Variants in VPS13D observed in about 807,000 individuals in gnomAD.
The protein encoded by VPS13D is intermembrane lipid transfer protein VPS13D.
A neutral mutation model predicts 461.9 loss-of-function variants in VPS13D; 187 were observed. The observed-to-expected ratio is 0.40, with a 90% CI of 0.36 to 0.46. The LOEUF (loss-of-function observed/expected upper bound fraction) is 0.46, where lower values mean the gene tolerates loss of function less well. Among genes scored for constraint, VPS13D ranks in the 20% least tolerant of loss-of-function variants. The probability of loss-of-function intolerance (pLI) is 0.60; values close to 1 mark genes in which losing one functional copy is unlikely to be tolerated. For missense variants in VPS13D, 4,711 were observed against 5,364.9 expected, an observed-to-expected ratio of 0.88 and a Z score of 3.81; for synonymous variants, 1,951 against 1,986.3, an observed-to-expected ratio of 0.98 and a Z score of 0.47.
rs1646108308 is a variant in VPS13D at position 12,506,457 on chromosome 1, G to T, written c.12795-396G>T. On this transcript the variant is annotated intron_variant, in intron 68 of 69. Transcript: ENST00000620676. ...TTTTAACGCCAGGCTGTCTCTTCAT[G>T]GCGTGCCATTTGGTGAACCTGTTTA... Among the ~76,000 whole-genome samples the T allele has an allele frequency of 3.9e-5, 6 of 152,198 alleles. No individual in the cohort carries two copies. In the South Asian group the frequency reaches 1.2e-3, roughly 31 times the overall value.
chr1:12,509,130 GGAA>G lies in VPS13D; in HGVS notation c.*108_*110del. On this transcript the variant is annotated 3_prime_UTR_variant, in exon 70 of 70. Transcript: ENST00000620676. ...GAGGCAGAACCGGAGTCGGGTTTGG[GGAA>G]GTTGTCAAGGAATGAGGGAAAGTAA... 7.1e-7 allele frequency: 1 copy of G among 1,405,666 alleles called. No homozygotes were observed. The allele number at this position is 1,405,666 out of a possible 1,614,324, so 87.1% of individuals were successfully genotyped here.
At chr1:12,394,115 T>C (rs1470038190) in intron 60 of VPS13D, among the ~76,000 whole-genome samples, 1 of 152,112 alleles carries the variant, frequency 6.6e-6, no homozygotes, top group African/African-American at 2.4e-5. Flanking sequence ...ACTGCGTAAA[T>C]TGTCGGCAAT....
chr1:12,388,044 G>T (rs963807444), intron 60 of VPS13D, among the ~76,000 whole-genome samples: 5 of 152,172 alleles, frequency 3.3e-5, no homozygotes, highest in Non-Finnish European at 5.9e-5. Context: ...TACCAGAAAT[G>T]ATAACTACCT....
intron 6 of VPS13D, among the ~76,000 whole-genome samples, chr1:12,250,461 A>G (rs929690534): frequency 6.6e-6 from 1 of 152,222 alleles, no homozygotes; most frequent in Admixed American, 6.5e-5. Context: ...GAAAAAGACC[A>G]AATATATTTC....
chr1:12,322,166 C>T (rs191852837), intron 33 of VPS13D, among the ~76,000 whole-genome samples: 35 of 152,170 alleles, frequency 2.3e-4, no homozygotes, highest in Admixed American at 3.3e-4. Flanking sequence ...CCTGGGTTCA[C>T]GTCATTCTCC....
At chr1:12,392,668 G>A (rs1205261780) in intron 60 of VPS13D, among the ~76,000 whole-genome samples, 1 of 152,078 alleles carries the variant, frequency 6.6e-6, no homozygotes, top group African/African-American at 2.4e-5. Flanking sequence ...GCCAAGAGCT[G>A]TCTCTCAAAA....
Position 12,333,231 on chromosome 1 carries a change from G to C in VPS13D, c.8293G>C (p.Glu2765Gln). The C allele has an allele frequency of 6.2e-7, 1 of 1,613,604 alleles. No individual in the cohort carries two copies. Among genetic ancestry groups the C allele is most frequent in the South Asian group, 1.1e-5 (1 of 91,008 alleles). Residue 2765 changes from glutamate to glutamine, a missense_variant, in exon 38 of 70, where the codon GAG (glutamate) becomes CAG (glutamine). Physicochemically the swap from Glu to Gln is conservative, Grantham distance 29. This residue lies in a region of VPS13D where 4,411 missense variants were observed against 4,937.8 expected (regional missense o/e 0.89). Transcript: ENST00000620676. Reference sequence around the variant, plus strand: ...TATTTCCTGTGTTCTTTTAGGCTGGGAGCCATTTATTGAGCCTTGGCCATG... The same window carrying C: ...TATTTCCTGTGTTCTTTTAGGCTGGCAGCCATTTATTGAGCCTTGGCCATG... ...DYYNRALSGW[E>Q]PFIEPWPCSV...
In VPS13D at chr1:12,511,810, G is replaced by C. The variant is rs985175917; in HGVS notation, c.*2786G>C. 5.3e-5 allele frequency: 8 copies of C among 152,258 alleles called. No homozygotes were observed. The highest frequency in any genetic ancestry group is 1.5e-5 in the Non-Finnish European group (1 of 68,092). The allele number at this position is 152,258 out of a possible 1,614,324, so 9.4% of individuals were successfully genotyped here. On this transcript the variant is annotated 3_prime_UTR_variant, in exon 70 of 70. Coordinates refer to ENST00000620676, the MANE Select transcript of VPS13D (RefSeq NM_015378.4). This position sits in a 1 kb window ranked among gnomAD's most constrained non-coding sequence, Gnocchi z 4.5. ...CTTCCCCAAATCCCAAGAGTGTCTT[G>C]CTGCTTGGTGGGTGCTCATCGCAAT...
chr1:12,342,035 G>T, intron 41 of VPS13D, 150 bp downstream of exon 41: 1 of 668,994 alleles, frequency 1.5e-6, no homozygotes, highest in Non-Finnish European at 2.4e-6. Flanking sequence ...TATGATGGAG[G>T]TTCTGGTTTT....
At chr1:12,501,514 G>A (rs1204827403) in intron 68 of VPS13D, among the ~76,000 whole-genome samples, 2 of 152,228 alleles carry the variant, frequency 1.3e-5, no homozygotes, top group Non-Finnish European at 2.9e-5. Context: ...GGAGTTCTAA[G>A]AGAAGTTTTC....
chr1:12,368,718 C>A, intron 53 of VPS13D, 127 bp downstream of exon 53: 1 of 1,151,322 alleles, frequency 8.7e-7, no homozygotes, highest in Non-Finnish European at 1.2e-6. Context: ...TGGATAGGTT[C>A]TTTATATCTG....
chr1:12,233,269 G>C (rs1334739716), intron 1 of VPS13D, among the ~76,000 whole-genome samples: 7 of 152,228 alleles, frequency 4.6e-5, no homozygotes, highest in Admixed American at 4.6e-4. Context: ...GCCTCCCAAA[G>C]TGCTGGGACT....
At chr1:12,430,306 G>A (rs187087851) in intron 65 of VPS13D, among the ~76,000 whole-genome samples, 8 of 152,228 alleles carry the variant, frequency 5.3e-5, no homozygotes, top group Admixed American at 2.6e-4. Flanking sequence ...CCCATTTGAC[G>A]GATAAAGAAA....
At chr1:12,365,094 C>T (rs1644015415) in intron 52 of VPS13D, among the ~76,000 whole-genome samples, 1 of 152,166 alleles carries the variant, frequency 6.6e-6, no homozygotes, top group African/African-American at 2.4e-5. Flanking sequence ...TATTTCTGGG[C>T]ACTCTAATCT....
chr1:12,262,191 G>A, intron 13 of VPS13D, 111 bp downstream of exon 13: 1 of 1,191,546 alleles, frequency 8.4e-7, no homozygotes, highest in Non-Finnish European at 1.1e-6. Flanking sequence ...TGCGAAAACT[G>A]TATTAGCTAA....
intron 65 of VPS13D, among the ~76,000 whole-genome samples, chr1:12,429,489 C>T (rs546805580): frequency 1.2e-4 from 19 of 152,216 alleles, no homozygotes; most frequent in African/African-American, 4.1e-4. Flanking sequence ...GATGGGGTTT[C>T]GCCATGTTGG....
Position 12,403,831 on chromosome 1 carries a change from A to G in VPS13D, c.11888A>G (p.Glu3963Gly). 1 of 1,596,948 alleles carries G rather than the reference A, an allele frequency of 6.3e-7. No homozygotes were observed. The highest frequency in any genetic ancestry group is 8.5e-7 in the Non-Finnish European group (1 of 1,174,332). The change falls in exon 63 of 70, where the codon GAA (glutamate) becomes GGA (glycine). Residue 3963 changes from glutamate (E) to glycine (G), a missense_variant. Coordinates refer to ENST00000620676, the MANE Select transcript of VPS13D (RefSeq NM_015378.4). The part of the protein sequence containing the change: ...FGYDQAESEV[E>G]KYDENLHEKT... ...AATTCTTCCTTTGTACCAGAGGTGG[A>G]AAAATATGATGAAAACCTCCATGAA... is the stretch of plus-strand genomic sequence containing the variant.
rs187299565 is a variant in VPS13D, at chr1:12,264,630, A to G, written c.1595-2251A>G. On this transcript the variant is annotated intron_variant, in intron 13 of 69. Transcript: ENST00000620676. ...ATTTCAGTTCTGGGATGGCTGGAAGAGGTGAGGAAACTGCAGAAGAAAAGT... is the reference window on the plus strand; with the variant it reads ...ATTTCAGTTCTGGGATGGCTGGAAGGGGTGAGGAAACTGCAGAAGAAAAGT... 4.0e-3 allele frequency among the ~76,000 whole-genome samples: 611 copies of G among 152,308 alleles called. 3 individuals are homozygous for G. Among genetic ancestry groups the G allele is most frequent in the Non-Finnish European group, 5.5e-3 (373 of 68,016 alleles).
At chr1:12,363,525 T>C (rs189758725) in intron 52 of VPS13D, among the ~76,000 whole-genome samples, 2 of 152,340 alleles carry the variant, frequency 1.3e-5, no homozygotes, top group Non-Finnish European at 2.9e-5. Context: ...TCTGTCTGCA[T>C]TTAGATGGTA....
Sources: allele counts gnomAD v4.1 joint callset (sites outside exome capture counted in the v4.1 genomes callset), GRCh38; gene constraint gnomAD v4.1.1; regional missense constraint gnomAD v4.1.1; non-coding constraint Gnocchi (gnomAD v3.1); transcripts MANE v1.5; gene names NCBI Gene and HGNC (gene_info 2026-07-23, HGNC 2026-07-21).